NHSL2: variants seen among roughly 807,000 people sequenced by gnomAD.
NHSL2 encodes the protein NHS like 2.
In NHSL2, 27 loss-of-function variants were observed where a neutral mutation model predicts 53.4. The ratio of observed to expected loss-of-function variants is 0.51; its 90% CI spans 0.37 to 0.70. NHSL2 has a LOEUF of 0.70. Ranked by LOEUF, NHSL2 falls within the 30% of genes least tolerant of loss-of-function variation. The pLI is 0.00. For synonymous variants in NHSL2, 408 were observed against 404.1 expected, an observed-to-expected ratio of 1.01 and a Z score of -0.12; for missense variants, 892 against 980.1, an observed-to-expected ratio of 0.91 and a Z score of 1.20.
At chrX:72,092,921 C>T (rs955203240) in intron 1 of NHSL2, among the ~76,000 whole-genome samples, 2 of 112,529 alleles carry the variant, frequency 1.8e-5, no homozygotes, top group Admixed American at 1.9e-4. Flanking sequence ...TAGTATCTCC[C>T]TTGCAGTGTT....
At chrX:72,018,722 C>T (rs1053060797) in intron 1 of NHSL2, among the ~76,000 whole-genome samples, 1 of 112,882 alleles carries the variant, frequency 8.9e-6, no homozygotes, top group Non-Finnish European at 1.9e-5. Context: ...GCCCTCCTCC[C>T]CCGCCCCGCG....
chrX:71,957,346 G>T (rs772900194), intron 1 of NHSL2, among the ~76,000 whole-genome samples: 1 of 112,251 alleles, frequency 8.9e-6, no homozygotes, highest in African/African-American at 3.2e-5. Context: ...GGCTCACTGC[G>T]AGCTCCGCCT....
chrX:71,967,264 A>G (rs781337137), intron 1 of NHSL2, among the ~76,000 whole-genome samples: 67 of 110,712 alleles, frequency 6.1e-4, no homozygotes, highest in Non-Finnish European at 1.2e-3. Context: ...TTTTTCTCCA[A>G]TGATTTTCTG....
chrX:71,932,139 A>G (rs979565387), intron 1 of NHSL2, among the ~76,000 whole-genome samples: 1 of 111,854 alleles, frequency 8.9e-6, no homozygotes, highest in Non-Finnish European at 1.9e-5. Context: ...TAAATGAATG[A>G]TAGAAATGAT....
chrX:71,983,441 C>CA (rs55809300), intron 1 of NHSL2, among the ~76,000 whole-genome samples: 69 of 91,898 alleles, frequency 7.5e-4, no homozygotes, highest in African/African-American at 2.0e-3. Flanking sequence ...CCCACCTCTA[C>CA]AAAAAAAAAA....
chrX:72,033,925 G>C (rs2042228545), intron 1 of NHSL2, among the ~76,000 whole-genome samples: 2 of 112,172 alleles, frequency 1.8e-5, no homozygotes, highest in African/African-American at 3.2e-5. Flanking sequence ...CCAGTATTAT[G>C]TTGAATAAGA....
chrX:71,963,983 A>ATG (rs1331116752), intron 1 of NHSL2, among the ~76,000 whole-genome samples: 1,441 of 65,350 alleles, frequency 0.022, 111 homozygotes, highest in East Asian at 0.14. Context: ...ACATATATAT[A>ATG]TATATATATG....
intron 1 of NHSL2, among the ~76,000 whole-genome samples, chrX:71,967,849 TC>T (rs1175029865): frequency 9.0e-6 from 1 of 111,544 alleles, no homozygotes; most frequent in Non-Finnish European, 1.9e-5. Flanking sequence ...TCTGTCTGTC[TC>T]TAATTTTGAG....
In NHSL2 at chrX:72,151,596, G is replaced by A. The variant is rs986284464; in HGVS notation, c.*8022G>A. 3 of 112,025 alleles carry A rather than the reference G, an allele frequency of 2.7e-5. No homozygotes were observed. The highest frequency in any genetic ancestry group is 5.6e-5 in the Non-Finnish European group (3 of 53,189). The allele number at this position is 112,025 out of a possible 1,213,427, so 9.2% of individuals were successfully genotyped here. On this transcript the variant is annotated 3_prime_UTR_variant, in exon 8 of 8. Coordinates refer to ENST00000633930, the MANE Select transcript of NHSL2 (RefSeq NM_001013627.3). ...CTCTCTCTCATTACTGACTACCTCA[G>A]TGTAGAAACCCTCATTTTTTTCCCC... is the stretch of plus-strand genomic sequence containing the variant.
At chrX:72,051,638 A>G (rs1022826152) in intron 1 of NHSL2, among the ~76,000 whole-genome samples, 6 of 110,977 alleles carry the variant, frequency 5.4e-5, no homozygotes, top group Admixed American at 9.6e-5. Flanking sequence ...TCTCCACAAC[A>G]TGTTCCCGAT....
chrX:71,925,758 A>G (rs1365082359), intron 1 of NHSL2, among the ~76,000 whole-genome samples: 5 of 112,374 alleles, frequency 4.4e-5, no homozygotes, highest in African/African-American at 1.6e-4. Context: ...ATTGCATGAA[A>G]TAGTTACCAT....
At chrX:71,984,339 C>A (rs1188171123) in intron 1 of NHSL2, among the ~76,000 whole-genome samples, 1 of 112,091 alleles carries the variant, frequency 8.9e-6, no homozygotes, top group Non-Finnish European at 1.9e-5. Flanking sequence ...ACAAAGAGTA[C>A]AACAGCAATA....
intron 1 of NHSL2, among the ~76,000 whole-genome samples, chrX:71,967,998 T>TC (rs1184736152): frequency 4.9e-5 from 5 of 101,626 alleles, no homozygotes; most frequent in Non-Finnish European, 1.0e-4. Context: ...AAGTCAATCT[T>TC]TTTTTTTTTT....
chrX:72,059,299 C>T (rs959116704), intron 1 of NHSL2, among the ~76,000 whole-genome samples: 2 of 110,875 alleles, frequency 1.8e-5, no homozygotes, highest in Non-Finnish European at 3.8e-5. Flanking sequence ...ACTGGTGTCC[C>T]GGCCCCTCTC....
At chrX:71,911,491 C>T in intron 1 of NHSL2, 124 bp downstream of exon 1, 1 of 604,772 alleles carries the variant, frequency 1.7e-6, no homozygotes, top group Non-Finnish European at 2.3e-6. Flanking sequence ...CCCCTCCATT[C>T]GGGGAGTGAG....
At chrX:72,085,831 C>T (rs1035962578) in intron 1 of NHSL2, among the ~76,000 whole-genome samples, 1 of 107,974 alleles carries the variant, frequency 9.3e-6, no homozygotes, top group African/African-American at 3.4e-5. Context: ...TCCCTCCCTA[C>T]CACCCGTATG....
At chrX:71,988,856 G>A (rs1031099272) in intron 1 of NHSL2, among the ~76,000 whole-genome samples, 5 of 111,562 alleles carry the variant, frequency 4.5e-5, no homozygotes, top group African/African-American at 1.3e-4. Flanking sequence ...GAAGGAATAG[G>A]AGAATGGCTA....
chrX:72,125,577 A>G (rs1424835813), intron 1 of NHSL2, among the ~76,000 whole-genome samples: 2 of 111,831 alleles, frequency 1.8e-5, no homozygotes, highest in Non-Finnish European at 3.8e-5. Context: ...CCATTCCCAC[A>G]GTGCTTCCTG....
rs140969810 is a variant in NHSL2 at position 72,144,866 on chromosome X, C to T, written c.*1292C>T. On this transcript the variant is annotated 3_prime_UTR_variant, in exon 8 of 8. Transcript: ENST00000633930. ...TGAAAGAGCTTCAGAATAATCATTG[C>T]GACCCCTCCCTGCCCCCACCCCCCA... The T allele has an allele frequency of 0.019, 2,595 of 136,216 alleles. 73 individuals carry two copies. The highest frequency in any genetic ancestry group is 0.08 in the African/African-American group (2,470 of 30,767). The allele number at this position is 136,216 out of a possible 1,213,427, so 11.2% of individuals were successfully genotyped here. A position where few individuals can be genotyped will look rare whatever the true frequency, so the allele number is the denominator to read the frequency against.
Sources: gnomAD v4.1 joint callset for allele counts (sites outside exome capture counted in the v4.1 genomes callset) on GRCh38, gnomAD v4.1.1 for gene constraint, MANE v1.5 for transcripts, NCBI Gene and HGNC (gene_info 2026-07-23, HGNC 2026-07-21) for gene names.